The following HECTD4 variants were observed in gnomAD, a reference collection of about 807,000 sequenced individuals.
HECTD4 encodes the protein HECT domain E3 ubiquitin protein ligase 4, also known as probable E3 ubiquitin-protein ligase HECTD4.
In HECTD4, 114 loss-of-function variants were observed where a neutral mutation model predicts 471.5. The observed-to-expected ratio is 0.24, with a 90% CI of 0.21 to 0.28. The LOEUF (loss-of-function observed/expected upper bound fraction) is 0.28, where lower values mean the gene tolerates loss of function less well. HECTD4 is among the 10% of genes least tolerant of loss of function. The probability of loss-of-function intolerance (pLI) is 1.00; values close to 1 mark genes in which losing one functional copy is unlikely to be tolerated. For synonymous variants in HECTD4, 2,012 were observed against 2,256.0 expected (o/e 0.89, Z 3.07); for missense variants, 3,866 against 5,651.5 (o/e 0.68, Z 10.13).
intron 52 of HECTD4, among the ~76,000 whole-genome samples, chr12:112,204,943 A>G (rs1593927178): frequency 6.6e-6 from 1 of 150,754 alleles, no homozygotes. Context: ...GACCAGCCTG[A>G]CCAACATGGT....
chr12:112,203,551 C>A, intron 54 of HECTD4, 85 bp downstream of exon 54: 3 of 1,131,554 alleles, frequency 2.7e-6, no homozygotes, highest in South Asian at 1.7e-5. Context: ...TCTGTATAAT[C>A]ACTTTTTAAG....
chr12:112,198,377 G>A lies in HECTD4; in HGVS notation c.8567+2261C>T, dbSNP rs193035137. 1.8e-4 allele frequency among the ~76,000 whole-genome samples: 28 copies of A among 152,334 alleles called. No homozygotes were observed. The East Asian group carries it at 4.4e-3, about 24-fold the overall frequency. On this transcript the variant is annotated intron_variant, in intron 55 of 75. Transcript: ENST00000682272. Reference sequence around the variant, plus strand: ...ACACTAGCTGTGTGAGCACCACAGAGGAGGGGCTGCCAAGCTCAGAGGCTC... The same window carrying A: ...ACACTAGCTGTGTGAGCACCACAGAAGAGGGGCTGCCAAGCTCAGAGGCTC...
At position 112,179,211 on chromosome 12, in the gene HECTD4, C is replaced by T. The variant is rs1215817119; in HGVS notation, c.11174G>A (p.Arg3725Gln). 26 of 1,613,650 alleles carry T rather than the reference C, an allele frequency of 1.6e-5. No individual in the cohort carries two copies. Among genetic ancestry groups the T allele is most frequent in the Non-Finnish European group, 2.0e-5 (24 of 1,179,852 alleles). Reference protein sequence around the residue: ...NLLHLFFTNVRPPKKVLEDQL... With the variant: ...NLLHLFFTNVQPPKKVLEDQL... Reference sequence around the variant, plus strand: ...ATCCTCCAGCACCTTTTTTGGCGGCCGGACATTGGTGAAGAAGAGGTGGAG... The same window carrying T: ...ATCCTCCAGCACCTTTTTTGGCGGCTGGACATTGGTGAAGAAGAGGTGGAG... Residue 3725 changes from arginine to glutamine, a missense_variant, in exon 63 of 76, where the codon CGG becomes CAG. Physicochemically the swap from Arg to Gln is conservative, Grantham distance 43 (BLOSUM62 1). This residue lies in a region of HECTD4 where 715 missense variants were observed against 1,087.6 expected (regional missense o/e 0.66). Coordinates refer to ENST00000682272, the MANE Select transcript of HECTD4 (RefSeq NM_001388303.1). The surrounding 1 kb of genome is among the most constrained non-coding windows in gnomAD (Gnocchi z 4.3).
At chr12:112,192,800 G>C in intron 58 of HECTD4, 35 bp from the exon 59 acceptor site, 1 of 1,505,974 alleles carries the variant, frequency 6.6e-7, no homozygotes, top group Non-Finnish European at 9.0e-7. Flanking sequence ...TTAATACAGG[G>C]TCTAGCCATG....
At chr12:112,290,128 C>T (rs1003053774) in intron 7 of HECTD4, among the ~76,000 whole-genome samples, 13 of 152,028 alleles carry the variant, frequency 8.6e-5, no homozygotes, top group African/African-American at 2.7e-4. Context: ...TGAGACCAAC[C>T]TGGGCAACAT....
At chr12:112,313,536 G>A (rs899150762) in intron 3 of HECTD4, among the ~76,000 whole-genome samples, 7 of 142,996 alleles carry the variant, frequency 4.9e-5, no homozygotes, top group African/African-American at 1.8e-4. Context: ...CACTCAGGCT[G>A]GAGTGCAGTG....
chr12:112,219,256 T>C (rs1364931647), intron 45 of HECTD4, 130 bp downstream of exon 45: 2 of 537,626 alleles, frequency 3.7e-6, no homozygotes, highest in Admixed American at 3.5e-5. Context: ...AGAGGGCATG[T>C]CACTGCAAAA....
Position 112,217,097 on chromosome 12 carries a change from G to C in HECTD4, c.7173C>G (p.Pro2391=). The part of the protein sequence containing the change: ...HLTSVTFLAD[P]SAGGGLPRGT... ...CCCGGGGCAGGCCTCCCCCAGCGCTGGGGTCAGCCAGGAAGGTGACTGAGG... is the reference window on the plus strand; with the variant it reads ...CCCGGGGCAGGCCTCCCCCAGCGCTCGGGTCAGCCAGGAAGGTGACTGAGG... The change falls in exon 46 of 76, where the codon CCC becomes CCG. Residue 2391 remains proline (P), a synonymous_variant. Coordinates refer to ENST00000682272, the MANE Select transcript of HECTD4 (RefSeq NM_001388303.1). 1 of 1,593,832 alleles carries C rather than the reference G, an allele frequency of 6.3e-7. No individual in the cohort carries two copies. The highest frequency in any genetic ancestry group is 8.5e-7 in the Non-Finnish European group (1 of 1,170,124).
rs923425862 is a variant in HECTD4 at position 112,319,914 on chromosome 12, C to G, written c.178-172G>C. On this transcript the variant is annotated intron_variant, in intron 1 of 75. Transcript: ENST00000682272. The surrounding 1 kb of genome is among the most constrained non-coding windows in gnomAD (Gnocchi z 5.3). ...CAGCTCTTTGCTGATGGAATTGTTC[C>G]CCTTTTGGCTTTTCTGTTAATGCTT... 2.0e-5 allele frequency among the ~76,000 whole-genome samples: 3 copies of G among 152,158 alleles called. No individual in the cohort carries two copies. The highest frequency in any genetic ancestry group is 4.8e-5 in the African/African-American group (2 of 41,434).
At chr12:112,349,301 A>G (rs1407818698) in intron 1 of HECTD4, among the ~76,000 whole-genome samples, 1 of 150,324 alleles carries the variant, frequency 6.7e-6, no homozygotes, top group Non-Finnish European at 1.5e-5. Flanking sequence ...AGGCAGAAGA[A>G]TCGCTTGAAC....
intron 39 of HECTD4, 88 bp downstream of exon 39, chr12:112,231,425 A>T (rs1005081580): frequency 1.6e-6 from 2 of 1,265,360 alleles, no homozygotes; most frequent in African/African-American, 1.5e-5. Context: ...GGTCAAGGGG[A>T]TGGTAGAAAA....
intron 7 of HECTD4, among the ~76,000 whole-genome samples, chr12:112,297,198 G>C (rs1174413217): frequency 6.6e-6 from 1 of 151,548 alleles, no homozygotes; most frequent in African/African-American, 2.4e-5. Context: ...GTGAATGTAG[G>C]TGCAGAGGGT....
chr12:112,270,374 G>A lies in HECTD4; in HGVS notation c.2028C>T (p.Ala676=), dbSNP rs2135620771. The change falls in exon 12 of 76, where the codon GCC becomes GCT. Residue 676 remains alanine (A), a synonymous_variant. Transcript: ENST00000682272. Reference sequence around the variant, plus strand: ...TTGTGATTGGAAGATTGGGGTTGGTGGCAAGAAGATTGAGTTGGTGTATGC... The same window carrying A: ...TTGTGATTGGAAGATTGGGGTTGGTAGCAAGAAGATTGAGTTGGTGTATGC... ...AMCIHQLNLL[A]TNPNLPITSV... is the part of the protein sequence containing the mutation. The A allele has an allele frequency of 6.2e-7, 1 of 1,614,012 alleles. No homozygotes were observed. Among genetic ancestry groups the A allele is most frequent in the African/African-American group, 1.3e-5 (1 of 75,042 alleles).
intron 49 of HECTD4, among the ~76,000 whole-genome samples, 182 bp downstream of exon 49, chr12:112,212,305 A>T (rs1241626540): frequency 1.3e-5 from 2 of 152,222 alleles, no homozygotes; most frequent in African/African-American, 4.8e-5. Context: ...GTTCAAGCTA[A>T]GACTGTGGGG....
chr12:112,372,494 C>T (rs984665073), intron 1 of HECTD4, among the ~76,000 whole-genome samples: 3 of 100,258 alleles, frequency 3.0e-5, no homozygotes, highest in African/African-American at 8.6e-5. Flanking sequence ...ATCTCCTGAC[C>T]TCGTGATCCG....
intron 34 of HECTD4, among the ~76,000 whole-genome samples, chr12:112,238,756 A>G (rs1367039277): frequency 6.6e-6 from 1 of 152,124 alleles, no homozygotes; most frequent in Admixed American, 6.5e-5. Context: ...AAAAAAATAT[A>G]TTTGGAAACT....
In HECTD4 at chr12:112,162,227, TA is replaced by T; in HGVS notation, c.*159del. 1 of 712,016 alleles carries T rather than the reference TA, an allele frequency of 1.4e-6. No individual in the cohort carries two copies. Among genetic ancestry groups the T allele is most frequent in the Non-Finnish European group, 2.3e-6 (1 of 427,018 alleles). 44.1% of individuals were successfully genotyped at this position (712,016 alleles called of 1,614,324 possible). A position where few individuals can be genotyped will look rare whatever the true frequency, so the allele number is the denominator to read the frequency against. Reference sequence around the variant, plus strand: ...CACGAAACGTACAAAGACAAAAGGTTAAGTCTTCCAGGAGGCCCTGGAATGT... The same window carrying T: ...CACGAAACGTACAAAGACAAAAGGTTAGTCTTCCAGGAGGCCCTGGAATGT... On this transcript the variant is annotated 3_prime_UTR_variant, in exon 76 of 76. Coordinates refer to ENST00000682272, the MANE Select transcript of HECTD4 (RefSeq NM_001388303.1). The surrounding 1 kb of genome is among the most constrained non-coding windows in gnomAD (Gnocchi z 5.2).
At chr12:112,234,657 CTT>C (rs922645115) in intron 37 of HECTD4, among the ~76,000 whole-genome samples, 7 of 152,190 alleles carry the variant, frequency 4.6e-5, no homozygotes, top group Admixed American at 1.3e-4. Context: ...AAAAGTGTCT[CTT>C]GTTTCTCCAA....
At chr12:112,374,915 CAT>C (rs2036749361) in intron 1 of HECTD4, among the ~76,000 whole-genome samples, 1 of 152,156 alleles carries the variant, frequency 6.6e-6, no homozygotes. Flanking sequence ...TGTTAATTAA[CAT>C]ATAATTGGCG....
Sources: allele counts gnomAD v4.1 joint callset (sites outside exome capture counted in the v4.1 genomes callset), GRCh38; gene constraint gnomAD v4.1.1; regional missense constraint gnomAD v4.1.1; non-coding constraint Gnocchi (gnomAD v3.1); transcripts MANE v1.5; gene names NCBI Gene and HGNC (gene_info 2026-07-23, HGNC 2026-07-21).